The following MAX variants were observed in gnomAD, a reference collection of about 807,000 sequenced individuals.
MAX encodes the protein MYC associated transcriptional regulator X.
A neutral mutation model predicts 22.3 loss-of-function variants in MAX; 3 were observed. The observed-to-expected ratio is 0.13, with a 90% CI of 0.06 to 0.35. The LOEUF (loss-of-function observed/expected upper bound fraction) is 0.35. Among genes scored for constraint, MAX ranks in the 10% least tolerant of loss-of-function variants. MAX has a pLI of 1.00. For synonymous variants in MAX, 72 were observed against 77.7 expected, an observed-to-expected ratio of 0.93 and a Z score of 0.39; for missense variants, 119 against 209.4, an observed-to-expected ratio of 0.57 and a Z score of 2.66.
Position 65,027,808 on chromosome 14 carries a change from A to G in MAX, c.172-21524T>C. ...TGAGTGGGGTTTTGCACAGGCTGCCACATCAGTTGACTCTAGAGCTCATCT... is the reference window on the plus strand; with the variant it reads ...TGAGTGGGGTTTTGCACAGGCTGCCGCATCAGTTGACTCTAGAGCTCATCT... On this transcript the variant is annotated intron_variant, in intron 3 of 3. Coordinates refer to the MAX transcript ENST00000341653. This position sits in a 1 kb window ranked among gnomAD's most constrained non-coding sequence, Gnocchi z 5.7. 1 of 1,613,750 alleles carries G rather than the reference A, an allele frequency of 6.2e-7. No homozygotes were observed. Among genetic ancestry groups the G allele is most frequent in the Non-Finnish European group, 8.5e-7 (1 of 1,179,886 alleles).
In MAX at chr14:65,078,097, G is replaced by T; in HGVS notation, c.172-61C>A. The T allele has an allele frequency of 6.2e-7, 1 of 1,605,660 alleles. No individual in the cohort carries two copies. The highest frequency in any genetic ancestry group is 1.1e-5 in the South Asian group (1 of 90,612). Reference sequence around the variant, plus strand: ...TAAAAACCCAATCCAGGCAGTGAGGGAACCTGGCCTGCAGCAACTGCTTGG... The same window carrying T: ...TAAAAACCCAATCCAGGCAGTGAGGTAACCTGGCCTGCAGCAACTGCTTGG... On this transcript the variant is annotated intron_variant, in intron 3 of 4. Coordinates refer to ENST00000358664, the MANE Select transcript of MAX (RefSeq NM_002382.5). The surrounding 1 kb of genome is among the most constrained non-coding windows in gnomAD (Gnocchi z 6.4).
chr14:65,017,598 G>T (rs1355593855), intron 3 of MAX, among the ~76,000 whole-genome samples: 1 of 152,120 alleles, frequency 6.6e-6, no homozygotes. Context: ...GCCTTTAAAG[G>T]GCCTTTCATT....
Position 65,030,665 on chromosome 14 carries a change from A to G in MAX, c.172-24381T>C, listed in dbSNP as rs2062062987. 6.6e-6 allele frequency among the ~76,000 whole-genome samples: 1 copy of G among 152,062 alleles called. No individual in the cohort carries two copies. The highest frequency in any genetic ancestry group is 1.5e-5 in the Non-Finnish European group (1 of 67,996). ...GCTGAGGCAAGATCAGTTTGAGCCCAGGAGTTTGAGGTTGCAGTGAGCCAT... is the reference window on the plus strand; with the variant it reads ...GCTGAGGCAAGATCAGTTTGAGCCCGGGAGTTTGAGGTTGCAGTGAGCCAT... On this transcript the variant is annotated intron_variant, in intron 3 of 3. Coordinates refer to the MAX transcript ENST00000341653. The surrounding 1 kb of genome is among the most constrained non-coding windows in gnomAD (Gnocchi z 4.5).
At position 65,044,455 on chromosome 14, in the gene MAX, G is replaced by T. The variant is rs777069619; in HGVS notation, c.172-38171C>A. The T allele has an allele frequency of 6.3e-7, 1 of 1,596,800 alleles. No individual in the cohort carries two copies. ...ACTGCACGCCCAAGGTGAGCCTGGG[G>T]AGCTGTTCACTTGGGGCTGGATGAT... On this transcript the variant is annotated intron_variant, in intron 3 of 3. Coordinates refer to the MAX transcript ENST00000341653. The surrounding 1 kb of genome is among the most constrained non-coding windows in gnomAD (Gnocchi z 5.5).
intron 3 of MAX, among the ~76,000 whole-genome samples, chr14:65,055,192 TAA>T (rs1396357705): frequency 7.1e-6 from 1 of 141,092 alleles, no homozygotes; most frequent in Non-Finnish European, 1.6e-5. Flanking sequence ...GTGTGTTGTT[TAA>T]TGTGTGTTTG....
At position 65,012,634 on chromosome 14, in the gene MAX, T is replaced by C. The variant is rs1188802246; in HGVS notation, c.172-6350A>G. Among the ~76,000 whole-genome samples the C allele has an allele frequency of 6.6e-6, 1 of 152,194 alleles. No homozygotes were observed. The highest frequency in any genetic ancestry group is 1.5e-5 in the Non-Finnish European group (1 of 68,036). Reference sequence around the variant, plus strand: ...GATGGGGCTTTCTTCTGTTACTAGATGATGACTAAGGGGTTCACGTGCTTT... The same window carrying C: ...GATGGGGCTTTCTTCTGTTACTAGACGATGACTAAGGGGTTCACGTGCTTT... On this transcript the variant is annotated intron_variant, in intron 3 of 3. Transcript: ENST00000341653. The surrounding 1 kb of genome is among the most constrained non-coding windows in gnomAD (Gnocchi z 5.0).
intron 3 of MAX, among the ~76,000 whole-genome samples, chr14:65,060,084 C>T (rs866409960): frequency 6.6e-6 from 1 of 151,648 alleles, no homozygotes; most frequent in Admixed American, 6.6e-5. Context: ...CCATCCACCT[C>T]GGCCTCCCAA....
Position 65,093,944 on chromosome 14 carries a change from C to T in MAX, c.64-129G>A, listed in dbSNP as rs1305829555. 6.9e-6 allele frequency: 5 copies of T among 723,396 alleles called. No homozygotes were observed. The highest frequency in any genetic ancestry group is 1.4e-5 in the South Asian group (1 of 69,278). 44.8% of individuals were successfully genotyped at this position (723,396 alleles called of 1,614,324 possible). On this transcript the variant is annotated intron_variant, in intron 2 of 4. Transcript: ENST00000358664. The surrounding 1 kb of genome is among the most constrained non-coding windows in gnomAD (Gnocchi z 4.4). ...GGCGAGTGGACTGGGAAGGATTTCT[C>T]GAGGTGGGCAGTTAGGAGTCTCCAG...
chr14:65,010,786 G>A (rs1200510796), intron 3 of MAX, among the ~76,000 whole-genome samples: 1 of 152,088 alleles, frequency 6.6e-6, no homozygotes, highest in African/African-American at 2.4e-5. Flanking sequence ...CAGTACTCCT[G>A]CTTTCCTCCC....
chr14:65,029,674 C>T lies in MAX; in HGVS notation c.172-23390G>A, dbSNP rs539830675. Among the ~76,000 whole-genome samples the T allele has an allele frequency of 3.1e-4, 47 of 152,248 alleles. No individual in the cohort carries two copies. The highest frequency in any genetic ancestry group is 1.1e-3 in the African/African-American group (45 of 41,534). ...AAGTTTGGTGAGAAAGCATGTGTTG[C>T]TCAAGAAAGGACAAGTTCAGTGTTG... On this transcript the variant is annotated intron_variant, in intron 3 of 3. Coordinates refer to the MAX transcript ENST00000341653. The surrounding 1 kb of genome is among the most constrained non-coding windows in gnomAD (Gnocchi z 4.7).
chr14:65,023,547 C>G lies in MAX; in HGVS notation c.172-17263G>C, dbSNP rs72728251. ...AACTTTCTGTGATAATGAAAATGTT[C>G]TATATTCTGTAAATGTCTATAGGTG... On this transcript the variant is annotated intron_variant, in intron 3 of 3. Coordinates refer to the MAX transcript ENST00000341653. The surrounding 1 kb of genome is among the most constrained non-coding windows in gnomAD (Gnocchi z 4.1). Among the ~76,000 whole-genome samples, 48 of 152,282 alleles carry G rather than the reference C, an allele frequency of 3.2e-4. 1 individual carries two copies. The highest frequency in any genetic ancestry group is 5.4e-4 in the Non-Finnish European group (37 of 68,026).
chr14:65,094,098 T>C, intron 2 of MAX: 2 of 419,722 alleles, frequency 4.8e-6, no homozygotes, highest in Middle Eastern at 7.5e-4. Context: ...AGTGTGACTC[T>C]CCTGTAACAT....
At position 65,076,447 on chromosome 14, in the gene MAX, G is replaced by C; in HGVS notation, c.*29C>G. The stretch of plus-strand genomic sequence containing the variant: ...GAGGATGAGACGATGGAGACAGACA[G>C]TTTTTATTGCTGGCCTGCCCCGAGT... On this transcript the variant is annotated 3_prime_UTR_variant, in exon 5 of 5. Transcript: ENST00000358664. This position sits in a 1 kb window ranked among gnomAD's most constrained non-coding sequence, Gnocchi z 6.6. The C allele has an allele frequency of 1.2e-6, 2 of 1,612,512 alleles. No individual in the cohort carries two copies. The highest frequency in any genetic ancestry group is 1.7e-6 in the Non-Finnish European group (2 of 1,180,008).
At chr14:65,056,890 A>T (rs2062748571) in intron 3 of MAX, among the ~76,000 whole-genome samples, 1 of 152,218 alleles carries the variant, frequency 6.6e-6, no homozygotes, top group Non-Finnish European at 1.5e-5. Flanking sequence ...TAGACTGAGA[A>T]ATTCAAGGGC....
At chr14:65,039,613 G>A (rs2062297400) in intron 3 of MAX, among the ~76,000 whole-genome samples, 1 of 152,022 alleles carries the variant, frequency 6.6e-6, no homozygotes, top group Non-Finnish European at 1.5e-5. Context: ...CTTTGGGTAG[G>A]AAAGGTTTCT....
intron 3 of MAX, among the ~76,000 whole-genome samples, chr14:65,016,763 C>A (rs1030979295): frequency 3.3e-5 from 5 of 152,086 alleles, no homozygotes; most frequent in African/African-American, 9.7e-5. Context: ...GGCCATTAAC[C>A]CTTGTGGTAC....
chr14:65,017,361 G>C (rs1474699483), intron 3 of MAX, among the ~76,000 whole-genome samples: 1 of 152,092 alleles, frequency 6.6e-6, no homozygotes, highest in Non-Finnish European at 1.5e-5. Flanking sequence ...AGAGAAGAAA[G>C]AAAAAATGGG....
chr14:65,012,353 G>A lies in MAX; in HGVS notation c.172-6069C>T. ...AGAGGGAGAAGCACTTCCATTATCT[G>A]AAAAGAGGCCTTCGACAACTGACAG... On this transcript the variant is annotated intron_variant, in intron 3 of 3. Transcript: ENST00000341653. This position sits in a 1 kb window ranked among gnomAD's most constrained non-coding sequence, Gnocchi z 5.0. 1 of 1,614,152 alleles carries A rather than the reference G, an allele frequency of 6.2e-7. No homozygotes were observed. The highest frequency in any genetic ancestry group is 8.5e-7 in the Non-Finnish European group (1 of 1,179,996).
At chr14:65,019,004 G>C (rs1256688666) in intron 3 of MAX, among the ~76,000 whole-genome samples, 1 of 151,936 alleles carries the variant, frequency 6.6e-6, no homozygotes, top group Non-Finnish European at 1.5e-5. Flanking sequence ...TACTCAGGAG[G>C]CTGTTTGTTT....
Sources: allele counts gnomAD v4.1 joint callset (sites outside exome capture counted in the v4.1 genomes callset), GRCh38; gene constraint gnomAD v4.1.1; non-coding constraint Gnocchi (gnomAD v3.1); transcripts MANE v1.5; gene names NCBI Gene and HGNC (gene_info 2026-07-23, HGNC 2026-07-21).